Variants in TSPAN18 observed in about 807,000 individuals in gnomAD.
TSPAN18 encodes tetraspanin-18.
A neutral mutation model predicts 27.3 loss-of-function variants in TSPAN18; 14 were observed. That is an observed-to-expected ratio of 0.51 (90% CI 0.34 to 0.80). The LOEUF (loss-of-function observed/expected upper bound fraction) is 0.80, where lower values mean the gene tolerates loss of function less well. Among genes scored for constraint, TSPAN18 ranks in the 30% least tolerant of loss-of-function variants. The pLI, the probability that TSPAN18 is intolerant of heterozygous loss-of-function variation, is 0.01. For synonymous variants in TSPAN18, 143 were observed against 136.5 expected, an observed-to-expected ratio of 1.05 and a Z score of -0.33; for missense variants, 268 against 323.9, an observed-to-expected ratio of 0.83 and a Z score of 1.32.
intron 3 of TSPAN18, among the ~76,000 whole-genome samples, chr11:44,867,253 G>T (rs1029570442): frequency 1.3e-5 from 2 of 152,118 alleles, no homozygotes; most frequent in Admixed American, 6.5e-5. Context: ...AGATTCTGAT[G>T]GAAGCTCAAG....
intron 3 of TSPAN18, among the ~76,000 whole-genome samples, chr11:44,870,082 C>T (rs1216485727): frequency 6.6e-6 from 1 of 152,192 alleles, no homozygotes; most frequent in African/African-American, 2.4e-5. Context: ...ATTTTTTAAA[C>T]AGTTTTATAG....
intron 2 of TSPAN18, among the ~76,000 whole-genome samples, chr11:44,806,065 C>T (rs570000873): frequency 3.6e-5 from 5 of 138,072 alleles, no homozygotes; most frequent in Non-Finnish European, 6.1e-5. Context: ...TTTGGAGTCT[C>T]GCTCTATCCC....
intron 2 of TSPAN18, among the ~76,000 whole-genome samples, chr11:44,831,680 A>G (rs528034935): frequency 9.2e-5 from 14 of 152,324 alleles, no homozygotes; most frequent in Middle Eastern, 3.4e-3. Flanking sequence ...ATGCACTGGC[A>G]TTCTACATGC....
intron 8 of TSPAN18, chr11:44,926,409 C>T: frequency 2.3e-6 from 1 of 437,102 alleles, no homozygotes; most frequent in Non-Finnish European, 4.1e-6. Flanking sequence ...ACTGTAGTTG[C>T]AACATTAGAC....
chr11:44,928,875 AC>A (rs1240358936), intron 9 of TSPAN18, among the ~76,000 whole-genome samples: 1 of 151,962 alleles, frequency 6.6e-6, no homozygotes, highest in Non-Finnish European at 1.5e-5. Context: ...CCTAAGGACA[AC>A]CCTGCTATGT....
intron 2 of TSPAN18, among the ~76,000 whole-genome samples, chr11:44,790,348 G>T (rs1017974257): frequency 6.9e-6 from 1 of 144,534 alleles, no homozygotes; most frequent in Non-Finnish European, 1.5e-5. Flanking sequence ...TGCATGTGTT[G>T]GTGTGTGTGG....
rs1446246605 is a variant in TSPAN18, at chr11:44,797,956, G to A, written c.-153+33444G>A. Among the ~76,000 whole-genome samples the A allele has an allele frequency of 2.6e-5, 4 of 152,176 alleles. No homozygotes were observed. In the East Asian group the frequency reaches 5.8e-4, roughly 22 times the overall value. The stretch of plus-strand genomic sequence containing the variant: ...CAAGACGCTTGTTGGGTCAAATAAA[G>A]GCTCTGATAAGTCCTGCACAAAGGA... On this transcript the variant is annotated intron_variant, in intron 2 of 9. Transcript: ENST00000520358.
At chr11:44,817,595 C>T (rs931426232) in intron 2 of TSPAN18, among the ~76,000 whole-genome samples, 1 of 152,234 alleles carries the variant, frequency 6.6e-6, no homozygotes, top group African/African-American at 2.4e-5. Context: ...CCCTCCCAGC[C>T]TTGGGCACAG....
chr11:44,874,406 C>T (rs1858274642), intron 3 of TSPAN18, among the ~76,000 whole-genome samples: 1 of 152,232 alleles, frequency 6.6e-6, no homozygotes, highest in South Asian at 2.1e-4. Flanking sequence ...AGAATGATCA[C>T]TCCCTGTGCC....
chr11:44,832,135 C>T (rs145905668), intron 2 of TSPAN18, among the ~76,000 whole-genome samples: 1 of 152,254 alleles, frequency 6.6e-6, no homozygotes, highest in Non-Finnish European at 1.5e-5. Flanking sequence ...TACCTATGAC[C>T]CAGGCGTCAT....
rs549318723 is a variant in TSPAN18 at position 44,864,555 on chromosome 11, G to A, written c.-11+4086G>A. The stretch of plus-strand genomic sequence containing the variant: ...CCCACCCCAGCTTCCCATGGCACCC[G>A]AAGCTTTGTTCAACCCTCCCTTGCC... On this transcript the variant is annotated intron_variant, in intron 3 of 9. Coordinates refer to ENST00000520358, the MANE Select transcript of TSPAN18 (RefSeq NM_130783.5). Among the ~76,000 whole-genome samples, 7 of 152,252 alleles carry A rather than the reference G, an allele frequency of 4.6e-5. No homozygotes were observed. In the South Asian group the frequency reaches 8.3e-4, roughly 18 times the overall value.
At chr11:44,750,055 T>A in intron 1 of TSPAN18, among the ~76,000 whole-genome samples, 1 of 152,234 alleles carries the variant, frequency 6.6e-6, no homozygotes, top group East Asian at 1.9e-4. Flanking sequence ...TAGGGAATCC[T>A]TGGGGAACCC....
rs1554938045 is a variant in TSPAN18, at chr11:44,908,829, A to AGG, written c.64-876_64-875insGG. ...AAAGAAAGAAAGAAAGAAAGAAAGAAAAAGAAAAATGGAGCAGATATTTAT... is the reference window on the plus strand; with the variant it reads ...AAAGAAAGAAAGAAAGAAAGAAAGAAGGAAAGAAAAATGGAGCAGATATTTAT... On this transcript the variant is annotated intron_variant, in intron 4 of 9. Transcript: ENST00000520358. Among the ~76,000 whole-genome samples, 41 of 103,342 alleles carry AGG rather than the reference A, an allele frequency of 4.0e-4. 2 individuals carry two copies. The East Asian group carries it at 6.9e-3, about 17-fold the overall frequency. The allele number at this position is 103,342 out of a possible 152,430, so 67.8% of individuals were successfully genotyped here.
intron 2 of TSPAN18, among the ~76,000 whole-genome samples, chr11:44,851,104 CCA>C (rs1419013197): frequency 1.3e-5 from 2 of 152,222 alleles, no homozygotes; most frequent in African/African-American, 2.4e-5. Context: ...TAATCCAACC[CCA>C]GACTTGGCCA....
chr11:44,803,069 C>T (rs867786715), intron 2 of TSPAN18, among the ~76,000 whole-genome samples: 6 of 152,164 alleles, frequency 3.9e-5, no homozygotes, highest in Admixed American at 1.3e-4. Flanking sequence ...AAGTTATTCA[C>T]TGGTCTATGA....
intron 2 of TSPAN18, among the ~76,000 whole-genome samples, chr11:44,833,624 G>A (rs887575974): frequency 2.0e-5 from 3 of 152,088 alleles, no homozygotes; most frequent in Non-Finnish European, 4.4e-5. Flanking sequence ...GTCCATCTGC[G>A]GTGGCTAAAT....
intron 1 of TSPAN18, among the ~76,000 whole-genome samples, chr11:44,728,562 G>A (rs1854576014): frequency 6.6e-6 from 1 of 152,104 alleles, no homozygotes; most frequent in Admixed American, 6.5e-5. Context: ...AAAGACTTCA[G>A]CAGTCCAGGC....
At chr11:44,923,441 CAG>C (rs1312390046) in intron 8 of TSPAN18, among the ~76,000 whole-genome samples, 2 of 152,098 alleles carry the variant, frequency 1.3e-5, no homozygotes, top group African/African-American at 2.4e-5. Flanking sequence ...CGGGTGGTGA[CAG>C]GGGAAACCGT....
At chr11:44,869,783 C>T (rs895273107) in intron 3 of TSPAN18, among the ~76,000 whole-genome samples, 2 of 152,236 alleles carry the variant, frequency 1.3e-5, no homozygotes, top group Non-Finnish European at 2.9e-5. Context: ...GCCTCCGTCC[C>T]TCACACAGTC....
Sources: allele counts gnomAD v4.1 joint callset (sites outside exome capture counted in the v4.1 genomes callset), GRCh38; gene constraint gnomAD v4.1.1; transcripts MANE v1.5; gene names NCBI Gene and HGNC (gene_info 2026-07-23, HGNC 2026-07-21).